Variants in DAB1 observed in about 807,000 individuals in gnomAD.
DAB1 encodes DAB adaptor protein 1.
Under a neutral mutation model 64.6 loss-of-function variants are expected in DAB1, and 15 were observed. The ratio of observed to expected loss-of-function variants is 0.23; its 90% CI spans 0.16 to 0.36. DAB1 has a LOEUF of 0.36. Among genes scored for constraint, DAB1 ranks in the 10% least tolerant of loss-of-function variants. The pLI is 1.00. For missense variants in DAB1, 596 were observed against 706.7 expected (o/e 0.84, Z 1.78); for synonymous variants, 235 against 251.9 (o/e 0.93, Z 0.64).
chr1:57,278,216 A>G (rs1671622156), intron 2 of DAB1, among the ~76,000 whole-genome samples: 1 of 152,206 alleles, frequency 6.6e-6, no homozygotes, highest in Non-Finnish European at 1.5e-5. Flanking sequence ...GTGACATTGA[A>G]CATAATCTTA....
chr1:58,205,531 T>C (rs944425464), intron 4 of DAB1, among the ~76,000 whole-genome samples: 3 of 152,184 alleles, frequency 2.0e-5, no homozygotes, highest in Admixed American at 1.3e-4. Flanking sequence ...TTGTGATAGT[T>C]AAATATATAA....
rs1194360379 is a variant in DAB1 at position 57,718,729 on chromosome 1, T to C, written n.552-69064A>G. 2.6e-5 allele frequency among the ~76,000 whole-genome samples: 4 copies of C among 152,214 alleles called. No individual in the cohort carries two copies. In the East Asian group the frequency reaches 7.7e-4, roughly 29 times the overall value. ...TTAGCAAAAAATCTTCAAAATGTTA[T>C]CAATATCCCCAGTTGTAATTCTATG... On this transcript the variant is annotated intron_variant and non_coding_transcript_variant, in intron 6 of 20. Transcript: ENST00000485760.
intron 7 of DAB1, among the ~76,000 whole-genome samples, chr1:57,557,602 G>A (rs1474322012): frequency 6.6e-6 from 1 of 152,074 alleles, no homozygotes; most frequent in Non-Finnish European, 1.5e-5. Context: ...GGTTTCTGGA[G>A]TTGGCTGCTT....
chr1:57,970,461 G>C (rs1645771195), intron 5 of DAB1, among the ~76,000 whole-genome samples: 1 of 152,080 alleles, frequency 6.6e-6, no homozygotes, highest in Admixed American at 6.6e-5. Flanking sequence ...GCTCCTTGCT[G>C]GGATATTCTG....
intron 1 of DAB1, among the ~76,000 whole-genome samples, chr1:57,313,956 G>A (rs1423428564): frequency 1.3e-5 from 2 of 152,166 alleles, no homozygotes; most frequent in Admixed American, 6.5e-5. Context: ...CACAGACACT[G>A]AATCTGCTGG....
At chr1:57,639,337 GTAAATAACTTTATAAAGTTCTTTA>G (rs1442663887) in intron 7 of DAB1, among the ~76,000 whole-genome samples, 8 of 145,292 alleles carry the variant, frequency 5.5e-5, no homozygotes, top group Middle Eastern at 3.5e-3. Context: ...AAGAACTTTA[GTAAATAACTTTATAAAGTTCTTTA>G]TAAAGAACTT....
At chr1:58,182,519 T>C (rs1269211736) in intron 4 of DAB1, among the ~76,000 whole-genome samples, 1 of 151,984 alleles carries the variant, frequency 6.6e-6, no homozygotes, top group African/African-American at 2.4e-5. Context: ...AAGTCCTATT[T>C]ATCTATCTTC....
chr1:58,387,028 C>A (rs920451281), intron 3 of DAB1, among the ~76,000 whole-genome samples: 1 of 152,118 alleles, frequency 6.6e-6, no homozygotes, highest in Admixed American at 6.5e-5. Context: ...CCATTGCACT[C>A]CAGCCTGGTC....
intron 7 of DAB1, among the ~76,000 whole-genome samples, chr1:57,624,029 G>C (rs1054576684): frequency 6.6e-6 from 1 of 152,200 alleles, no homozygotes; most frequent in African/African-American, 2.4e-5. Context: ...TGAATGACTA[G>C]AGAGTCTCTC....
intron 5 of DAB1, among the ~76,000 whole-genome samples, chr1:58,123,358 T>TA (rs1328614632): frequency 6.6e-6 from 1 of 152,162 alleles, no homozygotes; most frequent in African/African-American, 2.4e-5. Context: ...CCTAAGTCCT[T>TA]ACTCCATCTG....
chr1:57,061,102 G>C (rs907554899), intron 9 of DAB1, among the ~76,000 whole-genome samples: 1 of 151,888 alleles, frequency 6.6e-6, no homozygotes, highest in African/African-American at 2.4e-5. Context: ...GAGAAAAACT[G>C]CTGTTTCCCT....
At position 58,188,075 on chromosome 1, in the gene DAB1, A is replaced by AT. The variant is rs541764232; in HGVS notation, n.310-37488dup. Among the ~76,000 whole-genome samples the AT allele has an allele frequency of 2.7e-4, 41 of 151,520 alleles. No individual in the cohort carries two copies. In the East Asian group the frequency reaches 7.8e-3, roughly 29 times the overall value. On this transcript the variant is annotated intron_variant and non_coding_transcript_variant, in intron 4 of 20. Transcript: ENST00000485760. ...AGGAGCCTGCCACCATGCCCAGTGA[A>AT]TTTTTGTATTTTTAGTAGAGATGGG...
intron 3 of DAB1, among the ~76,000 whole-genome samples, chr1:58,387,876 G>A (rs1048726395): frequency 5.9e-5 from 9 of 151,936 alleles, no homozygotes; most frequent in East Asian, 5.8e-4. Flanking sequence ...ACAGGCGCCC[G>A]CCACCACGCC....
At chr1:57,558,829 G>A (rs1444347540) in intron 7 of DAB1, among the ~76,000 whole-genome samples, 6 of 152,192 alleles carry the variant, frequency 3.9e-5, no homozygotes, top group East Asian at 1.9e-4. Context: ...AAGGCTTAGC[G>A]AGATTGGGAT....
At chr1:57,326,803 G>A (rs1179167797) in intron 1 of DAB1, among the ~76,000 whole-genome samples, 17 of 151,882 alleles carry the variant, frequency 1.1e-4, no homozygotes, top group South Asian at 2.1e-4. Flanking sequence ...AGACCTCATC[G>A]AATCCTCATC....
rs1442719188 is a variant in DAB1, at chr1:57,967,915, AT to A, written n.388-83754del. 5.3e-5 allele frequency among the ~76,000 whole-genome samples: 8 copies of A among 152,284 alleles called. 1 individual carries two copies. The East Asian group carries it at 1.5e-3, about 29-fold the overall frequency. On this transcript the variant is annotated intron_variant and non_coding_transcript_variant, in intron 5 of 20. Transcript: ENST00000485760. The stretch of plus-strand genomic sequence containing the variant: ...AGCTGTGGGATCTTAACTTCTCAAA[AT>A]TTTTGCATTTTCGTATATAAAACAG...
chr1:57,557,427 CACATATATATACACATATATGTAT>C (rs1400145791), intron 7 of DAB1, among the ~76,000 whole-genome samples: 4 of 151,588 alleles, frequency 2.6e-5, no homozygotes, highest in South Asian at 2.1e-4. Flanking sequence ...TATACACACA[CACATATATATACACATATATGTAT>C]ACATATATAT....
intron 5 of DAB1, among the ~76,000 whole-genome samples, chr1:57,914,208 A>C (rs571501860): frequency 6.6e-6 from 1 of 152,324 alleles, no homozygotes; most frequent in South Asian, 2.1e-4. Flanking sequence ...ATGTCCAACA[A>C]TGATAGACTG....
At chr1:58,258,925 C>T (rs538347553) in intron 4 of DAB1, among the ~76,000 whole-genome samples, 27 of 152,066 alleles carry the variant, frequency 1.8e-4, no homozygotes, top group Non-Finnish European at 3.4e-4. Flanking sequence ...CTGCCTCTGC[C>T]CTTAACACTC....
Sources: allele counts gnomAD v4.1 joint callset (sites outside exome capture counted in the v4.1 genomes callset), GRCh38; gene constraint gnomAD v4.1.1; transcripts MANE v1.5; gene names NCBI Gene and HGNC (gene_info 2026-07-23, HGNC 2026-07-21).